Variants in MAL2 observed in about 807,000 individuals in gnomAD.
The protein encoded by MAL2 is protein MAL2.
A neutral mutation model predicts 18.1 loss-of-function variants in MAL2; 17 were observed. The observed-to-expected ratio is 0.94, with a 90% CI of 0.64 to 1.41. MAL2 has a LOEUF of 1.41. Ranked by LOEUF, MAL2 falls within the 40% of genes most tolerant of loss-of-function variation. The pLI, the probability that MAL2 is intolerant of heterozygous loss-of-function variation, is 0.00. For synonymous variants in MAL2, 102 were observed against 102.3 expected (o/e 1.00, Z 0.02); for missense variants, 222 against 231.9 (o/e 0.96, Z 0.28).
chr8:119,243,301 G>C (rs1818085573), intron 3 of MAL2, 116 bp from the exon 4 acceptor site: 2 of 574,580 alleles, frequency 3.5e-6, no homozygotes, highest in East Asian at 6.8e-5. Context: ...ATTTTTGTAA[G>C]TGTCGAAGTA....
intron 2 of MAL2, among the ~76,000 whole-genome samples, chr8:119,237,008 G>T (rs1386529910): frequency 6.6e-6 from 1 of 151,660 alleles, no homozygotes; most frequent in African/African-American, 2.4e-5. Context: ...CCAGGAGCTG[G>T]ATTTTTGAAA....
At chr8:119,218,657 A>G (rs1367926381) in intron 1 of MAL2, among the ~76,000 whole-genome samples, 2 of 152,092 alleles carry the variant, frequency 1.3e-5, no homozygotes, top group African/African-American at 2.4e-5. Flanking sequence ...GTGTTCTTCT[A>G]TAGTACCTAG....
At chr8:119,239,363 G>A (rs1479761250) in intron 2 of MAL2, among the ~76,000 whole-genome samples, 2 of 151,888 alleles carry the variant, frequency 1.3e-5, no homozygotes, top group Non-Finnish European at 2.9e-5. Context: ...GGAAGTCAGT[G>A]TGGCGATTCC....
intron 2 of MAL2, among the ~76,000 whole-genome samples, chr8:119,224,936 T>G (rs561850315): frequency 5.3e-5 from 8 of 152,358 alleles, no homozygotes; most frequent in African/African-American, 1.9e-4. Flanking sequence ...GACAATTCTT[T>G]ATGGGTGATA....
At chr8:119,231,628 T>C (rs948104674) in intron 2 of MAL2, among the ~76,000 whole-genome samples, 1 of 152,212 alleles carries the variant, frequency 6.6e-6, no homozygotes, top group Admixed American at 6.5e-5. Flanking sequence ...ATCAGTGAGA[T>C]ATCTGCATTC....
chr8:119,231,247 T>C (rs182342177), intron 2 of MAL2, among the ~76,000 whole-genome samples: 10 of 152,292 alleles, frequency 6.6e-5, no homozygotes, highest in Non-Finnish European at 1.3e-4. Context: ...TTAGCCAGGA[T>C]GGTCTCTCTC....
chr8:119,230,056 A>C (rs1314477209), intron 2 of MAL2, among the ~76,000 whole-genome samples: 3 of 152,156 alleles, frequency 2.0e-5, no homozygotes. Context: ...AACCCAAAAT[A>C]AGCAGTTCTG....
At chr8:119,209,749 G>A (rs1280538023) in intron 1 of MAL2, among the ~76,000 whole-genome samples, 1 of 152,154 alleles carries the variant, frequency 6.6e-6, no homozygotes, top group Non-Finnish European at 1.5e-5. Context: ...CCTAAGTTAA[G>A]TTTAGCCCGG....
In MAL2 at chr8:119,244,071, A is replaced by G. The variant is rs750330441; in HGVS notation, c.*583A>G. On this transcript the variant is annotated 3_prime_UTR_variant, in exon 4 of 4. Transcript: ENST00000614891. Reference sequence around the variant, plus strand: ...TGAATGAGTGTGGTTATGTTCTAATAAAACTTATTTATAAAAACAAGGGGA... The same window carrying G: ...TGAATGAGTGTGGTTATGTTCTAATGAAACTTATTTATAAAAACAAGGGGA... 6.6e-6 allele frequency: 1 copy of G among 152,182 alleles called. No homozygotes were observed. The highest frequency in any genetic ancestry group is 1.5e-5 in the Non-Finnish European group (1 of 68,034). The allele number at this position is 152,182 out of a possible 1,614,324, so 9.4% of individuals were successfully genotyped here. A position where few individuals can be genotyped will look rare whatever the true frequency, so the allele number is the denominator to read the frequency against.
Position 119,243,604 on chromosome 8 carries a change from T to C in MAL2, c.*116T>C, listed in dbSNP as rs1818094245. 2.6e-6 allele frequency: 2 copies of C among 758,142 alleles called. No homozygotes were observed. Among genetic ancestry groups the C allele is most frequent in the African/African-American group, 3.6e-5 (2 of 54,978 alleles). 47.0% of individuals were successfully genotyped at this position (758,142 alleles called of 1,614,324 possible). A position where few individuals can be genotyped will look rare whatever the true frequency, so the allele number is the denominator to read the frequency against. On this transcript the variant is annotated 3_prime_UTR_variant, in exon 4 of 4. Transcript: ENST00000614891. ...AACATTCCAAAAGTAATGTGTTTAG[T>C]AGAGAGAGACTCTAAGCTCAAGTTC...
intron 2 of MAL2, among the ~76,000 whole-genome samples, chr8:119,237,999 C>T (rs1020170637): frequency 7.9e-5 from 12 of 152,154 alleles, no homozygotes; most frequent in Non-Finnish European, 1.8e-4. Context: ...TCATATTGTC[C>T]CTGTTTGCAG....
At chr8:119,240,121 AAT>A in intron 2 of MAL2, 42 bp from the exon 3 acceptor site, 1 of 1,582,586 alleles carries the variant, frequency 6.3e-7, no homozygotes, top group Non-Finnish European at 8.6e-7. Flanking sequence ...GGAACAGAAA[AAT>A]ATTTTTTTTT....
At chr8:119,233,719 G>T (rs1202690461) in intron 2 of MAL2, among the ~76,000 whole-genome samples, 2 of 151,884 alleles carry the variant, frequency 1.3e-5, no homozygotes, top group East Asian at 3.9e-4. Flanking sequence ...AGGACCAGAT[G>T]GATTCACAGC....
At chr8:119,228,135 A>T (rs1817635232) in intron 2 of MAL2, among the ~76,000 whole-genome samples, 1 of 152,022 alleles carries the variant, frequency 6.6e-6, no homozygotes, top group African/African-American at 2.4e-5. Flanking sequence ...TGCCATCCTG[A>T]CTTCCAGCAG....
At chr8:119,239,665 C>T (rs1330458188) in intron 2 of MAL2, among the ~76,000 whole-genome samples, 1 of 151,546 alleles carries the variant, frequency 6.6e-6, no homozygotes, top group Non-Finnish European at 1.5e-5. Context: ...TAAACTATCG[C>T]AAGAACAAAA....
intron 2 of MAL2, among the ~76,000 whole-genome samples, chr8:119,237,271 G>A (rs1340998712): frequency 1.3e-5 from 2 of 150,812 alleles, no homozygotes; most frequent in African/African-American, 4.9e-5. Context: ...ACCAATAACA[G>A]GAGCTGAAAT....
chr8:119,221,510 G>A (rs1817463111), intron 1 of MAL2, 77 bp from the exon 2 acceptor site: 19 of 1,547,332 alleles, frequency 1.2e-5, no homozygotes, highest in Non-Finnish European at 1.4e-5. Context: ...AATGCTGAGG[G>A]TAATACAAGC....
At chr8:119,232,729 A>C (rs115421570) in intron 2 of MAL2, among the ~76,000 whole-genome samples, 2,290 of 152,334 alleles carry the variant, frequency 0.015, 62 homozygotes, top group African/African-American at 0.053. Flanking sequence ...TCATAACCAT[A>C]ATAAAAAGAT....
At chr8:119,217,839 C>T (rs561308575) in intron 1 of MAL2, among the ~76,000 whole-genome samples, 8 of 152,026 alleles carry the variant, frequency 5.3e-5, no homozygotes, top group Non-Finnish European at 7.4e-5. Flanking sequence ...ATAATTACAC[C>T]GTTTTGCAAA....
Sources: allele counts gnomAD v4.1 joint callset (sites outside exome capture counted in the v4.1 genomes callset), GRCh38; gene constraint gnomAD v4.1.1; transcripts MANE v1.5; gene names NCBI Gene and HGNC (gene_info 2026-07-23, HGNC 2026-07-21).